Variants in ERCC2 observed in about 807,000 individuals in gnomAD.
The protein encoded by ERCC2 is ERCC excision repair 2, TFIIH core complex helicase subunit.
Under a neutral mutation model 99.4 loss-of-function variants are expected in ERCC2, and 90 were observed. The observed-to-expected ratio is 0.91, with a 90% confidence interval of 0.76 to 1.08. ERCC2 has a LOEUF of 1.08. Ranked by LOEUF, ERCC2 falls within the 50% of genes least tolerant of loss-of-function variation. The pLI, the probability that ERCC2 is intolerant of heterozygous loss-of-function variation, is 0.00. For missense variants in ERCC2, 993 were observed against 1,038.1 expected, an observed-to-expected ratio of 0.96 and a Z score of 0.60; for synonymous variants, 497 against 432.4, an observed-to-expected ratio of 1.15 and a Z score of -1.85.
intron 16 of ERCC2, among the ~76,000 whole-genome samples, chr19:45,355,369 T>C (rs775626679): frequency 6.6e-6 from 1 of 152,178 alleles, no homozygotes; most frequent in Non-Finnish European, 1.5e-5. Flanking sequence ...AAAAAGGCCA[T>C]GTGTCACTTC....
At position 45,357,329 on chromosome 19, in the gene ERCC2, G is replaced by GGAAGTCCAGGATCTTGGGGTA; in HGVS notation, c.1399_1419dup (p.Tyr467_Phe473dup). ...GTGAAGGTTGCCATGGTGACGGGGT[G>GGAAGTCCAGGATCTTGGGGTA]GAAGTCCAGGATCTTGGGGTAGATG... On this transcript the variant is annotated inframe_insertion, in exon 15 of 23. Coordinates refer to ENST00000391945, the MANE Select transcript of ERCC2 (RefSeq NM_000400.4). The GGAAGTCCAGGATCTTGGGGTA allele has an allele frequency of 1.2e-5, 20 of 1,614,168 alleles. No homozygotes were observed. Among genetic ancestry groups the GGAAGTCCAGGATCTTGGGGTA allele is most frequent in the Non-Finnish European group, 1.6e-5 (19 of 1,180,012 alleles).
In ERCC2 at chr19:45,352,807, T is replaced by C. The variant is rs1233603139; in HGVS notation, c.1841A>G (p.Tyr614Cys). The change falls in exon 20 of 23, where the codon TAC (tyrosine) becomes TGC (cysteine). Residue 614 changes from tyrosine to cysteine, a missense_variant. By Grantham distance (194) the Tyr-to-Cys change is radical (BLOSUM62 -2). Transcript: ENST00000391945. ...GCCAAACATGATGACGGCCCGCCCG[T>C]AGTGGTGCACTGGTGGGCAGAGGAG... ...VSEGIDFVHH[Y>C]GRAVIMFGVP... The C allele has an allele frequency of 1.2e-6, 2 of 1,613,316 alleles. No individual in the cohort carries two copies. Among genetic ancestry groups the C allele is most frequent in the Non-Finnish European group, 1.7e-6 (2 of 1,179,728 alleles).
At chr19:45,365,295 C>A (rs766870957) in intron 5 of ERCC2, 137 bp from the exon 6 acceptor site, 2 of 707,072 alleles carry the variant, frequency 2.8e-6, no homozygotes, top group African/African-American at 3.5e-5. Context: ...AGTTAAGACG[C>A]GTGGGAACTT....
intron 11 of ERCC2, among the ~76,000 whole-genome samples, chr19:45,362,126 A>G (rs1972245977): frequency 6.6e-6 from 1 of 151,736 alleles, no homozygotes; most frequent in African/African-American, 2.4e-5. Context: ...GACTTTCACT[A>G]TGTTGGCCAG....
rs995906507 is a variant in ERCC2, at chr19:45,364,467, C to T, written c.675G>A (p.Leu225=). 3.7e-6 allele frequency: 6 copies of T among 1,613,930 alleles called. No individual in the cohort carries two copies. The highest frequency in any genetic ancestry group is 5.1e-6 in the Non-Finnish European group (6 of 1,180,018). The change falls in exon 8 of 23, where the codon CTG becomes CTA. Residue 225 remains leucine (L), a synonymous_variant. Transcript: ENST00000391945. ...CGAAGACCACGACGGCCTTGCGGGC[C>T]AGTTCCTTGGACACCAGGTCTGCAA... ...PKIADLVSKE[L]ARKAVVVFDE...
At position 45,364,404 on chromosome 19, in the gene ERCC2, G is replaced by A. The variant is rs1466584930; in HGVS notation, c.718+20C>T. ...ACTCAGAGGGGCTGGCATCCCTTTG[G>A]CCCCTGGCGCCCCCCTCACCAATGT... On this transcript the variant is annotated intron_variant, in intron 8 of 22. Transcript: ENST00000391945. 6.2e-7 allele frequency: 1 copy of A among 1,613,850 alleles called. No individual in the cohort carries two copies. Among genetic ancestry groups the A allele is most frequent in the South Asian group, 1.1e-5 (1 of 91,086 alleles).
In ERCC2 at chr19:45,363,737, C is replaced by T; in HGVS notation, c.1118+6G>A. 1 of 1,530,974 alleles carries T rather than the reference C, an allele frequency of 6.5e-7. No individual in the cohort carries two copies. Among genetic ancestry groups the T allele is most frequent in the Non-Finnish European group, 8.7e-7 (1 of 1,144,434 alleles). The allele number at this position is 1,530,974 out of a possible 1,614,324, so 94.8% of individuals were successfully genotyped here. A position where few individuals can be genotyped will look rare whatever the true frequency, so the allele number is the denominator to read the frequency against. Reference sequence around the variant, plus strand: ...CCCCCACCCCGCGCGCTGTCTGGGGCCGCACCTGAGGGGCTTGCGCTGGAT... The same window carrying T: ...CCCCCACCCCGCGCGCTGTCTGGGGTCGCACCTGAGGGGCTTGCGCTGGAT... On this transcript the variant is annotated splice_donor_region_variant and intron_variant, in intron 11 of 22. Coordinates refer to ENST00000391945, the MANE Select transcript of ERCC2 (RefSeq NM_000400.4).
intron 1 of ERCC2, 123 bp downstream of exon 1, chr19:45,370,413 G>A: frequency 2.0e-6 from 3 of 1,501,456 alleles, no homozygotes; most frequent in Non-Finnish European, 8.9e-7. Flanking sequence ...CCCTGCGGCT[G>A]CCCCCGTCCC....
At chr19:45,351,840 T>C in intron 22 of ERCC2, 119 bp from the exon 23 acceptor site, 1 of 886,836 alleles carries the variant, frequency 1.1e-6, no homozygotes, top group Non-Finnish European at 1.8e-6. Flanking sequence ...TGAATGAATT[T>C]GGAGATGTCC....
rs772560519 is a variant in ERCC2, at chr19:45,350,985, A to AACGTGG, written c.*638_*643dup. ...GAGAGCCATGTCACTCAACACACTG[A>AACGTGG]ACGTGGATGCTCCAAGGGCTCCTGG... On this transcript the variant is annotated 3_prime_UTR_variant, in exon 23 of 23. Coordinates refer to ENST00000391945, the MANE Select transcript of ERCC2 (RefSeq NM_000400.4). 1 of 1,614,040 alleles carries AACGTGG rather than the reference A, an allele frequency of 6.2e-7. No individual in the cohort carries two copies. The highest frequency in any genetic ancestry group is 1.1e-5 in the South Asian group (1 of 91,074).
chr19:45,364,484 G>T lies in ERCC2; in HGVS notation c.658C>A (p.Leu220Met), dbSNP rs375055722. ...TTGCGGGCCAGTTCCTTGGACACCA[G>T]GTCTGCAATCTTGGGGTCCAGGAGG... ...HYLLDPKIAD[L>M]VSKELARKAV... Residue 220 changes from leucine to methionine, a missense_variant, in exon 8 of 23, where the codon CTG (leucine) becomes ATG (methionine). Coordinates refer to ENST00000391945, the MANE Select transcript of ERCC2 (RefSeq NM_000400.4). The T allele has an allele frequency of 1.9e-5, 31 of 1,613,892 alleles. No homozygotes were observed. The highest frequency in any genetic ancestry group is 1.7e-4 in the Middle Eastern group (1 of 6,054).
intron 22 of ERCC2, 30 bp from the exon 23 acceptor site, chr19:45,351,751 G>A: frequency 6.2e-7 from 1 of 1,602,852 alleles, no homozygotes. Flanking sequence ...GGGAGAGGGG[G>A]GCACTGTTGG....
chr19:45,368,310 T>G (rs753831804), intron 5 of ERCC2, among the ~76,000 whole-genome samples: 1 of 152,184 alleles, frequency 6.6e-6, no homozygotes, highest in Non-Finnish European at 1.5e-5. Context: ...AAAGGAAGAC[T>G]GAGGCCCAGG....
chr19:45,357,682 CGAT>C lies in ERCC2; in HGVS notation c.1252_1254del (p.Ile418del). 3 of 1,613,786 alleles carry C rather than the reference CGAT, an allele frequency of 1.9e-6. No individual in the cohort carries two copies. The highest frequency in any genetic ancestry group is 2.5e-6 in the Non-Finnish European group (3 of 1,179,986). ...GTCGGGGTTCTGTCGTCAAAGGGCT[CGAT>C]GATGATGGTGAAGCCTGCAGAGGGC... On this transcript the variant is annotated inframe_deletion, in exon 13 of 23. Transcript: ENST00000391945.
Position 45,369,055 on chromosome 19 carries a change from C to G in ERCC2, c.183+15G>C. 6.2e-7 allele frequency: 1 copy of G among 1,614,066 alleles called. No homozygotes were observed. The highest frequency in any genetic ancestry group is 8.5e-7 in the Non-Finnish European group (1 of 1,179,914). Reference sequence around the variant, plus strand: ...CTTCCTTTGTCTGCCTTTACGGGTTCAGCGCATCACTCACTCTCTGGTATG... The same window carrying G: ...CTTCCTTTGTCTGCCTTTACGGGTTGAGCGCATCACTCACTCTCTGGTATG... On this transcript the variant is annotated intron_variant, in intron 3 of 22. Coordinates refer to ENST00000391945, the MANE Select transcript of ERCC2 (RefSeq NM_000400.4).
Position 45,350,370 on chromosome 19 carries a change from TCAA to T in ERCC2, c.*1256_*1258del, listed in dbSNP as rs1038879967. ...CAGCCTACCTGAAACAGAACAAGTA[TCAA>T]CAAGCGGAAGAGCTGTACAAAGAAA... On this transcript the variant is annotated 3_prime_UTR_variant, in exon 23 of 23. Coordinates refer to ENST00000391945, the MANE Select transcript of ERCC2 (RefSeq NM_000400.4). 12 of 1,612,270 alleles carry T rather than the reference TCAA, an allele frequency of 7.4e-6. No individual in the cohort carries two copies. Among genetic ancestry groups the T allele is most frequent in the Non-Finnish European group, 8.5e-6 (10 of 1,179,792 alleles).
chr19:45,364,608 T>G, intron 7 of ERCC2, 61 bp from the exon 8 acceptor site: 1 of 1,577,608 alleles, frequency 6.3e-7, no homozygotes, highest in Non-Finnish European at 8.6e-7. Flanking sequence ...CCCCTACCCC[T>G]GGCCACACTG....
At chr19:45,358,499 C>T in intron 12 of ERCC2, 1 of 332,122 alleles carries the variant, frequency 3.0e-6, no homozygotes, top group South Asian at 3.3e-5. Flanking sequence ...AAACCTGAGT[C>T]CCTGAGTCCA....
At chr19:45,352,882 A>C in intron 19 of ERCC2, 66 bp from the exon 20 acceptor site, 1 of 1,494,956 alleles carries the variant, frequency 6.7e-7, no homozygotes, top group Non-Finnish European at 9.3e-7. Flanking sequence ...GGACAGCCTC[A>C]CGCGACCCAG....
Sources: gnomAD v4.1 joint callset for allele counts (sites outside exome capture counted in the v4.1 genomes callset) on GRCh38, gnomAD v4.1.1 for gene constraint, MANE v1.5 for transcripts, NCBI Gene and HGNC (gene_info 2026-07-23, HGNC 2026-07-21) for gene names.